HUWE1: variants seen among roughly 807,000 people sequenced by gnomAD.
HUWE1 encodes E3 ubiquitin-protein ligase HUWE1.
In HUWE1, 18 loss-of-function variants were observed where a neutral mutation model predicts 299.4. That is an observed-to-expected ratio of 0.06 (90% CI 0.04 to 0.09). The LOEUF is 0.09. Ranked by LOEUF, HUWE1 falls within the 10% of genes least tolerant of loss-of-function variation. The pLI is 1.00. For synonymous variants in HUWE1, 1,317 were observed against 1,286.1 expected, an observed-to-expected ratio of 1.02 and a Z score of -0.51; for missense variants, 1,832 against 3,462.3, an observed-to-expected ratio of 0.53 and a Z score of 11.82.
At chrX:53,547,382 G>A (rs2061585102) in intron 68 of HUWE1, among the ~76,000 whole-genome samples, 1 of 111,765 alleles carries the variant, frequency 8.9e-6, no homozygotes, top group African/African-American at 3.3e-5. Context: ...TCCTTCTGGT[G>A]CCTAGCCTAG....
intron 74 of HUWE1, among the ~76,000 whole-genome samples, chrX:53,540,438 C>T (rs1246083916): frequency 9.0e-6 from 1 of 111,053 alleles, no homozygotes; most frequent in Non-Finnish European, 1.9e-5. Flanking sequence ...AAGCGATTCT[C>T]CAGCCTCAGC....
intron 19 of HUWE1, among the ~76,000 whole-genome samples, chrX:53,618,207 G>T (rs958766504): frequency 9.0e-6 from 1 of 111,495 alleles, no homozygotes; most frequent in Non-Finnish European, 1.9e-5. Context: ...GATAAACGAA[G>T]CCAATATCTA....
At chrX:53,668,391 G>A (rs782451962) in intron 3 of HUWE1, among the ~76,000 whole-genome samples, 1 of 104,291 alleles carries the variant, frequency 9.6e-6, no homozygotes, top group South Asian at 4.4e-4. Context: ...GCAGTGAGTC[G>A]AGATCATGCC....
At chrX:53,555,289 T>A (rs1276171627) in intron 60 of HUWE1, among the ~76,000 whole-genome samples, 1 of 112,058 alleles carries the variant, frequency 8.9e-6, no homozygotes, top group Non-Finnish European at 1.9e-5. Flanking sequence ...TCCCACTTCA[T>A]CTATTTGGAG....
At chrX:53,561,646 GGAAAA>G in intron 55 of HUWE1, 105 bp downstream of exon 55, 1 of 1,097,611 alleles carries the variant, frequency 9.1e-7, no homozygotes, top group South Asian at 1.9e-5. Flanking sequence ...AGTCAGCATA[GGAAAA>G]GAAGTGCTGT....
At chrX:53,629,725 C>T (rs1351288101) in intron 12 of HUWE1, 109 bp from the exon 13 acceptor site, 2 of 500,264 alleles carry the variant, frequency 4.0e-6, no homozygotes, top group African/African-American at 4.7e-5. Flanking sequence ...CCATTCCCAA[C>T]CAGCAATGGA....
chrX:53,656,266 C>T lies in HUWE1; in HGVS notation c.-24-2135G>A, dbSNP rs986772207. Among the ~76,000 whole-genome samples the T allele has an allele frequency of 2.7e-5, 3 of 109,931 alleles. No homozygotes were observed. In the Admixed American group the frequency reaches 2.9e-4, roughly 11 times the overall value. ...AAGGACAAGCCTGTAATCCCAGCTACTTGGGAGGCTGAGGCAGAAGAATTG... is the reference window on the plus strand; with the variant it reads ...AAGGACAAGCCTGTAATCCCAGCTATTTGGGAGGCTGAGGCAGAAGAATTG... On this transcript the variant is annotated intron_variant, in intron 3 of 83. Transcript: ENST00000262854.
intron 43 of HUWE1, among the ~76,000 whole-genome samples, chrX:53,577,614 C>T (rs1418460990): frequency 8.8e-6 from 1 of 113,154 alleles, no homozygotes; most frequent in African/African-American, 3.2e-5. Flanking sequence ...ACTGCAACCT[C>T]CCTGCCTGAT....
chrX:53,537,863 C>T (rs1556914553), intron 77 of HUWE1, among the ~76,000 whole-genome samples, 167 bp from the exon 78 acceptor site: 1 of 111,570 alleles, frequency 9.0e-6, no homozygotes, highest in African/African-American at 3.3e-5. Context: ...AGGTAGATCA[C>T]TCATTACCAA....
Position 53,560,218 on chromosome X carries a change from C to T in HUWE1, c.7706G>A (p.Arg2569His). The change falls in exon 56 of 84, where the codon CGC (arginine) becomes CAC (histidine). Residue 2569 changes from arginine (R) to histidine (H), a missense_variant. Physicochemically the swap from Arg to His is conservative, Grantham distance 29. Transcript: ENST00000262854. ...HTIHVHYPGN[R>H]QPNPPLILQR... ...CAGTATAAGAGGAGGGTTGGGCTGG[C>T]GATTCCCAGGGTAGTGAACATGAAT... 3 of 1,197,751 alleles carry T rather than the reference C, an allele frequency of 2.5e-6. No homozygotes were observed. The highest frequency in any genetic ancestry group is 3.4e-6 in the Non-Finnish European group (3 of 888,351).
rs1405447199 is a variant in HUWE1 at position 53,546,313 on chromosome X, G to C, written c.10915+123C>G. 8.1e-6 allele frequency: 5 copies of C among 616,562 alleles called. No individual in the cohort carries two copies. The Admixed American group carries it at 1.1e-4, about 13-fold the overall frequency. The allele number at this position is 616,562 out of a possible 1,213,427, so 50.8% of individuals were successfully genotyped here. A position where few individuals can be genotyped will look rare whatever the true frequency, so the allele number is the denominator to read the frequency against. On this transcript the variant is annotated intron_variant, in intron 70 of 83. Transcript: ENST00000262854. ...TGTGTTACGACAGAGGGAGCATGGAGGCTGTGTTATAGGGATATGGAGGTA... is the reference window on the plus strand; with the variant it reads ...TGTGTTACGACAGAGGGAGCATGGACGCTGTGTTATAGGGATATGGAGGTA...
In HUWE1 at chrX:53,682,308, C is replaced by T. The variant is rs191984778; in HGVS notation, c.-162-2122G>A. On this transcript the variant is annotated intron_variant, in intron 2 of 83. Transcript: ENST00000262854. ...GAATCTGAAAATTTGCCCAAGGTCA[C>T]AAGGTTCAATGTGAACCCAAAACAC... Among the ~76,000 whole-genome samples, 9 of 112,031 alleles carry T rather than the reference C, an allele frequency of 8.0e-5. No homozygotes were observed. The East Asian group carries it at 2.5e-3, about 31-fold the overall frequency.
At chrX:53,575,872 G>GT in intron 44 of HUWE1, 84 bp from the exon 45 acceptor site, 1 of 987,118 alleles carries the variant, frequency 1.0e-6, no homozygotes, top group Non-Finnish European at 1.4e-6. Context: ...GTCAGTCTTG[G>GT]TCAATTTCAC....
At chrX:53,534,254 G>C (rs376951101) in intron 82 of HUWE1, 57 bp from the exon 83 acceptor site, 10 of 1,011,341 alleles carry the variant, frequency 9.9e-6, no homozygotes, top group South Asian at 3.9e-5. Context: ...GAAGCAGGGT[G>C]GGGGGGATGG....
chrX:53,645,732 AAAAAATATATAT>A lies in HUWE1; in HGVS notation c.352-281_352-270del, dbSNP rs1411506280. Among the ~76,000 whole-genome samples, 31 of 17,723 alleles carry A rather than the reference AAAAAATATATAT, an allele frequency of 1.7e-3. No homozygotes were observed. In the South Asian group the frequency reaches 0.018, roughly 10 times the overall value. 15.4% of individuals were successfully genotyped at this position (17,723 alleles called of 115,157 possible). Reference sequence around the variant, plus strand: ...TGTCTCAAAAAAAGAAAAAAAAAAAAAAAAATATATATATATATATATATATATATATATATA... The same window carrying A: ...TGTCTCAAAAAAAGAAAAAAAAAAAAATATATATATATATATATATATATA... On this transcript the variant is annotated intron_variant, in intron 6 of 83. Transcript: ENST00000262854.
At chrX:53,535,082 G>A (rs189085661) in intron 81 of HUWE1, among the ~76,000 whole-genome samples, 131 of 110,457 alleles carry the variant, frequency 1.2e-3, no homozygotes, top group Non-Finnish European at 1.9e-3. Context: ...GACTACAGGC[G>A]CACGCTGCCA....
chrX:53,686,558 T>G (rs1366121910), intron 1 of HUWE1, 30 bp downstream of exon 1: 1 of 111,225 alleles, frequency 9.0e-6, no homozygotes, highest in Admixed American at 9.4e-5. Flanking sequence ...CGTACAGAGC[T>G]CGCCCTCCAG....
chrX:53,631,866 A>G, intron 9 of HUWE1: 2 of 397,305 alleles, frequency 5.0e-6, no homozygotes, highest in Non-Finnish European at 8.8e-6. Flanking sequence ...CACATTTCAT[A>G]TTCTTCTTTG....
intron 75 of HUWE1, 74 bp downstream of exon 75, chrX:53,539,583 G>C (rs1029391483): frequency 9.3e-7 from 1 of 1,079,471 alleles, no homozygotes; most frequent in Non-Finnish European, 1.3e-6. Flanking sequence ...CTGGAAGGAA[G>C]AAAAACAAGC....
Sources: allele counts gnomAD v4.1 joint callset (sites outside exome capture counted in the v4.1 genomes callset), GRCh38; gene constraint gnomAD v4.1.1; transcripts MANE v1.5; gene names NCBI Gene and HGNC (gene_info 2026-07-23, HGNC 2026-07-21).